ZYG11B: variants seen among roughly 807,000 people sequenced by gnomAD.
ZYG11B encodes zyg-11 family member B, cell cycle regulator.
Under a neutral mutation model 82.4 loss-of-function variants are expected in ZYG11B, and 36 were observed. The observed-to-expected ratio is 0.44, with a 90% CI of 0.33 to 0.58. ZYG11B has a LOEUF of 0.58. Ranked by LOEUF, ZYG11B falls within the 20% of genes least tolerant of loss-of-function variation. The pLI, the probability that ZYG11B is intolerant of heterozygous loss-of-function variation, is 0.02. For missense variants in ZYG11B, 552 were observed against 895.6 expected, an observed-to-expected ratio of 0.62 and a Z score of 4.90; for synonymous variants, 303 against 312.8, an observed-to-expected ratio of 0.97 and a Z score of 0.33.
intron 13 of ZYG11B, among the ~76,000 whole-genome samples, chr1:52,820,107 G>T (rs181708465): frequency 6.7e-6 from 1 of 150,290 alleles, no homozygotes; most frequent in Admixed American, 6.7e-5. Flanking sequence ...GTAGAGACGG[G>T]GTTTCACCAC....
At chr1:52,767,084 A>C (rs972022246) in intron 2 of ZYG11B, among the ~76,000 whole-genome samples, 4 of 146,654 alleles carry the variant, frequency 2.7e-5, no homozygotes, top group Non-Finnish European at 6.0e-5. Flanking sequence ...ATGTTATTTT[A>C]TGTTATATTA....
chr1:52,727,580 A>C (rs12058720), intron 1 of ZYG11B, among the ~76,000 whole-genome samples: 2,607 of 152,272 alleles, frequency 0.017, 78 homozygotes, highest in African/African-American at 0.059. Flanking sequence ...CTTGGCTATT[A>C]TTACTAAAAA....
intron 13 of ZYG11B, among the ~76,000 whole-genome samples, chr1:52,818,036 C>T (rs915960948): frequency 1.1e-4 from 17 of 149,594 alleles, no homozygotes; most frequent in Non-Finnish European, 1.5e-5. Context: ...CAGGGTTTCA[C>T]CATTTTGGCT....
chr1:52,795,145 G>T (rs1644996977), intron 6 of ZYG11B, among the ~76,000 whole-genome samples: 1 of 152,150 alleles, frequency 6.6e-6, no homozygotes, highest in Non-Finnish European at 1.5e-5. Context: ...GGAGGTGATT[G>T]GATCATGGGG....
chr1:52,766,054 A>G (rs954331066), intron 2 of ZYG11B, among the ~76,000 whole-genome samples: 1 of 145,316 alleles, frequency 6.9e-6, no homozygotes. Context: ...TCTTCTTTAT[A>G]TCTTCTCTTG....
intron 1 of ZYG11B, among the ~76,000 whole-genome samples, chr1:52,749,795 C>T (rs900806871): frequency 4.6e-5 from 7 of 152,080 alleles, no homozygotes; most frequent in African/African-American, 1.7e-4. Flanking sequence ...TCAGGTGATC[C>T]GCCTGCCTCA....
intron 2 of ZYG11B, among the ~76,000 whole-genome samples, chr1:52,766,219 C>G (rs188475784): frequency 8.4e-4 from 126 of 150,200 alleles, no homozygotes; most frequent in African/African-American, 3.0e-3. Context: ...CTCCCAGGTT[C>G]AAGTGATTCT....
intron 8 of ZYG11B, among the ~76,000 whole-genome samples, chr1:52,797,478 G>GATATATAATATAATAAATTATATATC (rs1645035372): frequency 5.5e-5 from 4 of 73,080 alleles, no homozygotes; most frequent in East Asian, 7.9e-4. Flanking sequence ...TATTATATAT[G>GATATATAATATAATAAATTATATATC]ATATATAATA....
At chr1:52,775,898 A>G (rs1301261256) in intron 3 of ZYG11B, among the ~76,000 whole-genome samples, 1 of 151,704 alleles carries the variant, frequency 6.6e-6, no homozygotes, top group African/African-American at 2.4e-5. Flanking sequence ...CACTGGGTAG[A>G]GAAGTGTTGT....
At chr1:52,816,742 A>T in intron 13 of ZYG11B, 113 bp downstream of exon 13, 1 of 754,128 alleles carries the variant, frequency 1.3e-6, no homozygotes, top group Admixed American at 2.8e-5. Context: ...CACTGACTTA[A>T]AATGTAAGGC....
At chr1:52,754,800 C>G (rs1050505564) in intron 1 of ZYG11B, among the ~76,000 whole-genome samples, 3 of 152,114 alleles carry the variant, frequency 2.0e-5, no homozygotes, top group Non-Finnish European at 4.4e-5. Flanking sequence ...ACTTTTTACA[C>G]CTATGTTTTC....
intron 6 of ZYG11B, 45 bp downstream of exon 6, chr1:52,790,112 T>C (rs1343593831): frequency 4.3e-6 from 6 of 1,387,036 alleles, no homozygotes; most frequent in Non-Finnish European, 5.9e-6. Context: ...AACAGAATGT[T>C]AGAAATCTGT....
chr1:52,769,476 G>C (rs1043496374), intron 2 of ZYG11B, among the ~76,000 whole-genome samples: 2 of 152,076 alleles, frequency 1.3e-5, no homozygotes, highest in African/African-American at 4.8e-5. Context: ...TGTATATTTT[G>C]TACTTTATAG....
Position 52,801,953 on chromosome 1 carries a change from G to A in ZYG11B, c.1620G>A (p.Gly540=), listed in dbSNP as rs1362898934. Residue 540 remains glycine, a synonymous_variant, in exon 9 of 14, where the codon GGG becomes GGA. Coordinates refer to ENST00000294353, the MANE Select transcript of ZYG11B (RefSeq NM_024646.3). ...GTAGACACTTTATTGAAAACCAAGG[G>A]TTAGAACTCTTCATGAGGGTTCTAG... ...TTCRHFIENQ[G]LELFMRVLES... is the part of the protein sequence containing the mutation. 29 of 1,609,564 alleles carry A rather than the reference G, an allele frequency of 1.8e-5. No individual in the cohort carries two copies. Among genetic ancestry groups the A allele is most frequent in the Admixed American group, 3.4e-5 (2 of 59,230 alleles).
Position 52,816,618 on chromosome 1 carries a change from G to A in ZYG11B, c.2033G>A (p.Cys678Tyr). The A allele has an allele frequency of 6.2e-7, 1 of 1,607,098 alleles. No homozygotes were observed. Among genetic ancestry groups the A allele is most frequent in the Non-Finnish European group, 8.5e-7 (1 of 1,177,586 alleles). Residue 678 changes from cysteine (C) to tyrosine (Y), a missense_variant, in exon 13 of 14, where the codon TGC becomes TAC. Physicochemically the swap from Cys to Tyr is radical, Grantham distance 194. Around this residue, in one of 3 missense-constraint regions of ZYG11B, gnomAD observed 127 missense variants for 163.4 expected, o/e 0.78. Transcript: ENST00000294353. ...LWAVWAMQHVCSKNPSRYCSM... is the reference protein window; with the variant it reads ...LWAVWAMQHVYSKNPSRYCSM... ...GCAGTTTGGGCCATGCAACATGTCT[G>A]CAGCAAGAATCGTATGTACCAAAAA...
chr1:52,814,381 T>C (rs1645207199), intron 12 of ZYG11B, among the ~76,000 whole-genome samples: 1 of 152,212 alleles, frequency 6.6e-6, no homozygotes, highest in Admixed American at 6.5e-5. Flanking sequence ...CTATCACTCT[T>C]CATGTTTCCT....
intron 10 of ZYG11B, among the ~76,000 whole-genome samples, chr1:52,812,524 T>C (rs1385057434): frequency 6.6e-6 from 1 of 152,238 alleles, no homozygotes; most frequent in East Asian, 1.9e-4. Context: ...TGCCTCAGCC[T>C]CCCGAGTAGC....
intron 3 of ZYG11B, among the ~76,000 whole-genome samples, chr1:52,775,379 CT>C (rs1241684887): frequency 6.6e-6 from 1 of 150,450 alleles, no homozygotes; most frequent in Non-Finnish European, 1.5e-5. Flanking sequence ...ATTGCTTGAG[CT>C]CAGGAGTTCA....
intron 6 of ZYG11B, among the ~76,000 whole-genome samples, chr1:52,792,715 T>C (rs1457569155): frequency 6.6e-6 from 1 of 152,222 alleles, no homozygotes; most frequent in Non-Finnish European, 1.5e-5. Context: ...AGAAAGTCAA[T>C]TATATTAGTA....
Sources: gnomAD v4.1 joint callset for allele counts (sites outside exome capture counted in the v4.1 genomes callset) on GRCh38, gnomAD v4.1.1 for gene constraint, gnomAD v4.1.1 regional missense constraint, MANE v1.5 for transcripts, NCBI Gene and HGNC (gene_info 2026-07-23, HGNC 2026-07-21) for gene names.